Variants in MMEL1 observed in about 807,000 individuals in gnomAD.
MMEL1 encodes the protein membrane metallo-endopeptidase-like 1.
MMEL1 carries 98 observed loss-of-function variants against 117.1 expected under a neutral mutation model. That is an observed-to-expected ratio of 0.84 (90% confidence interval 0.71 to 0.99). The LOEUF is 0.99. MMEL1 is among the 50% of genes least tolerant of loss of function. The probability of loss-of-function intolerance (pLI) is 0.00; values close to 1 mark genes in which losing one functional copy is unlikely to be tolerated. For missense variants in MMEL1, 1,014 were observed against 1,049.1 expected (o/e 0.97, Z 0.46); for synonymous variants, 390 against 415.1 (o/e 0.94, Z 0.74).
intron 22 of MMEL1, 102 bp downstream of exon 22, chr1:2,591,830 C>G: frequency 8.0e-7 from 1 of 1,244,548 alleles, no homozygotes; most frequent in Admixed American, 1.8e-5. Flanking sequence ...CCCCAAGGGG[C>G]CTTCCATGCT....
chr1:2,630,424 GTGCATGAC>G (rs1355013843), intron 1 of MMEL1, among the ~76,000 whole-genome samples: 3 of 152,258 alleles, frequency 2.0e-5, no homozygotes, highest in Non-Finnish European at 4.4e-5. Flanking sequence ...GTGTGTGCAT[GTGCATGAC>G]TGCATGAGCG....
In MMEL1 at chr1:2,591,800, C is replaced by T. The variant is rs1570639418; in HGVS notation, c.2163+132G>A. 2.7e-6 allele frequency: 3 copies of T among 1,092,326 alleles called. No individual in the cohort carries two copies. In the Admixed American group the frequency reaches 5.4e-5, roughly 20 times the overall value. The allele number at this position is 1,092,326 out of a possible 1,614,324, so 67.7% of individuals were successfully genotyped here. A position where few individuals can be genotyped will look rare whatever the true frequency, so the allele number is the denominator to read the frequency against. On this transcript the variant is annotated intron_variant, in intron 22 of 23. Coordinates refer to ENST00000378412, the MANE Select transcript of MMEL1 (RefSeq NM_033467.4). ...ATTGAAATCCTGTCCAGCTCCCGCCCCCTGCCCCTCATGCTTTTCCCCCAA... is the reference window on the plus strand; with the variant it reads ...ATTGAAATCCTGTCCAGCTCCCGCCTCCTGCCCCTCATGCTTTTCCCCCAA...
Position 2,604,135 on chromosome 1 carries a change from C to CCCCCCCCCAACAAT in MMEL1, c.951+11_951+12insATTGTTGGGGGGGG. ...CTCGCTGCCCGCTCCCCACCCGCCC[C>CCCCCCCCCAACAAT]GGCCCCCTTACCTTGGCCAGCTGTG... On this transcript the variant is annotated intron_variant, in intron 10 of 23. Transcript: ENST00000378412. The CCCCCCCCCAACAAT allele has an allele frequency of 4.6e-6, 7 of 1,520,152 alleles. No individual in the cohort carries two copies. Among genetic ancestry groups the CCCCCCCCCAACAAT allele is most frequent in the Non-Finnish European group, 6.4e-6 (7 of 1,100,346 alleles). The allele number at this position is 1,520,152 out of a possible 1,614,324, so 94.2% of individuals were successfully genotyped here.
In MMEL1 at chr1:2,612,783, G is replaced by A. The variant is rs1357966051; in HGVS notation, c.155-579C>T. 6.6e-6 allele frequency among the ~76,000 whole-genome samples: 1 copy of A among 152,186 alleles called. No individual in the cohort carries two copies. The highest frequency in any genetic ancestry group is 2.4e-5 in the African/African-American group (1 of 41,436). ...CCTGGTCAGCATCGGGGGCTCCTGGGATGGCTGTCAACTGCCTGGAGAGAT... is the reference window on the plus strand; with the variant it reads ...CCTGGTCAGCATCGGGGGCTCCTGGAATGGCTGTCAACTGCCTGGAGAGAT... On this transcript the variant is annotated intron_variant, in intron 2 of 23. Coordinates refer to ENST00000378412, the MANE Select transcript of MMEL1 (RefSeq NM_033467.4). The surrounding 1 kb of genome is among the most constrained non-coding windows in gnomAD (Gnocchi z 5.4).
intron 2 of MMEL1, among the ~76,000 whole-genome samples, chr1:2,622,883 C>CAAAA (rs60522932): frequency 9.6e-6 from 1 of 104,058 alleles, no homozygotes. Flanking sequence ...AACTCTGTCT[C>CAAAA]AAAAAAAAAA....
intron 5 of MMEL1, 53 bp downstream of exon 5, chr1:2,609,617 G>C (rs12087442): frequency 5.1e-6 from 8 of 1,566,020 alleles, no homozygotes; most frequent in Non-Finnish European, 6.9e-6. Flanking sequence ...CTCCTGGCCC[G>C]GTGCTGTCCT....
At chr1:2,629,268 T>A in intron 2 of MMEL1, 63 bp downstream of exon 2, 1 of 1,475,744 alleles carries the variant, frequency 6.8e-7, no homozygotes, top group Non-Finnish European at 9.0e-7. Context: ...CTGCAGCAGG[T>A]GCAGCGGGGC....
intron 4 of MMEL1, 110 bp downstream of exon 4, chr1:2,611,171 C>T: frequency 1.8e-6 from 2 of 1,119,260 alleles, no homozygotes; most frequent in South Asian, 1.4e-5. Flanking sequence ...CTCCACCGCC[C>T]GCCGTGTCTT....
At chr1:2,617,878 CT>C (rs1249097573) in intron 2 of MMEL1, among the ~76,000 whole-genome samples, 1 of 152,160 alleles carries the variant, frequency 6.6e-6, no homozygotes, top group East Asian at 1.9e-4. Context: ...GGAGATTTTT[CT>C]TTTTCATAAT....
chr1:2,603,841 C>T (rs747893155), intron 11 of MMEL1, 43 bp downstream of exon 11: 3 of 1,585,590 alleles, frequency 1.9e-6, no homozygotes, highest in Non-Finnish European at 1.7e-6. Context: ...CCCCACGAGT[C>T]TCCACCCGGC....
intron 2 of MMEL1, among the ~76,000 whole-genome samples, chr1:2,626,904 T>C (rs958779230): frequency 6.6e-6 from 1 of 152,162 alleles, no homozygotes; most frequent in South Asian, 2.1e-4. Flanking sequence ...AGGAAACACA[T>C]ACATTTTAGT....
At chr1:2,611,376 CG>C in intron 3 of MMEL1, 36 bp from the exon 4 acceptor site, 1 of 1,224,478 alleles carries the variant, frequency 8.2e-7, no homozygotes, top group East Asian at 6.2e-5. Flanking sequence ...CCGGGAGCCA[CG>C]GAGAGGGTGG....
At chr1:2,594,512 T>C in intron 17 of MMEL1, 69 bp from the exon 18 acceptor site, 2 of 1,516,652 alleles carry the variant, frequency 1.3e-6, no homozygotes, top group Non-Finnish European at 1.8e-6. Context: ...CTCTCTGCCT[T>C]GATGGACCAG....
At chr1:2,596,241 G>C in intron 14 of MMEL1, 134 bp from the exon 15 acceptor site, 1 of 816,908 alleles carries the variant, frequency 1.2e-6, no homozygotes, top group Non-Finnish European at 2.0e-6. Context: ...GGCCTCTCAG[G>C]TGAGGTGTGG....
intron 6 of MMEL1, among the ~76,000 whole-genome samples, chr1:2,607,804 C>A (rs886668628): frequency 5.9e-5 from 9 of 152,132 alleles, no homozygotes; most frequent in African/African-American, 2.2e-4. Context: ...AGAGGCCGGC[C>A]TCCTCTGGGC....
At position 2,609,503 on chromosome 1, in the gene MMEL1, C is replaced by T. The variant is rs532074351; in HGVS notation, c.455-84G>A. 1.1e-5 allele frequency: 16 copies of T among 1,512,960 alleles called. No homozygotes were observed. The East Asian group carries it at 1.2e-4, about 11-fold the overall frequency. The allele number at this position is 1,512,960 out of a possible 1,614,324, so 93.7% of individuals were successfully genotyped here. A position where few individuals can be genotyped will look rare whatever the true frequency, so the allele number is the denominator to read the frequency against. On this transcript the variant is annotated intron_variant, in intron 5 of 23. Transcript: ENST00000378412. ...AGGTCCCTACACCCCCTGAAGTGCTCGGCGAGAGGCGGCCCCCCAGCTGCT... is the reference window on the plus strand; with the variant it reads ...AGGTCCCTACACCCCCTGAAGTGCTTGGCGAGAGGCGGCCCCCCAGCTGCT...
intron 4 of MMEL1, 33 bp downstream of exon 4, chr1:2,611,248 G>T (rs1243010958): frequency 1.3e-6 from 2 of 1,555,966 alleles, no homozygotes; most frequent in African/African-American, 1.4e-5. Flanking sequence ...CAGCCCTTGG[G>T]CAGGCTGTGG....
At position 2,595,477 on chromosome 1, in the gene MMEL1, T is replaced by G. The variant is rs1644820102; in HGVS notation, c.1501-118A>C. ...TCAGCCCGGGGCATCCTGGCTGTGC[T>G]CTCCCTGTCCTGTGGTGAGGGGCTG... On this transcript the variant is annotated intron_variant, in intron 15 of 23. Transcript: ENST00000378412. The surrounding 1 kb of genome is among the most constrained non-coding windows in gnomAD (Gnocchi z 4.8). 1 of 828,010 alleles carries G rather than the reference T, an allele frequency of 1.2e-6. No individual in the cohort carries two copies. Among genetic ancestry groups the G allele is most frequent in the Non-Finnish European group, 2.0e-6 (1 of 493,082 alleles). The allele number at this position is 828,010 out of a possible 1,614,324, so 51.3% of individuals were successfully genotyped here. A position where few individuals can be genotyped will look rare whatever the true frequency, so the allele number is the denominator to read the frequency against.
chr1:2,622,218 C>T (rs74466775), intron 2 of MMEL1, among the ~76,000 whole-genome samples: 7,437 of 152,304 alleles, frequency 0.049, 250 homozygotes, highest in Non-Finnish European at 0.07. Flanking sequence ...CCAGGTGATT[C>T]CAATTATCAA....
Sources: allele counts gnomAD v4.1 joint callset (sites outside exome capture counted in the v4.1 genomes callset), GRCh38; gene constraint gnomAD v4.1.1; non-coding constraint Gnocchi (gnomAD v3.1); transcripts MANE v1.5; gene names NCBI Gene and HGNC (gene_info 2026-07-23, HGNC 2026-07-21).